Variants in DSCAM observed in about 807,000 individuals in gnomAD.
DSCAM encodes DS cell adhesion molecule, also known as cell adhesion molecule DSCAM.
DSCAM carries 47 observed loss-of-function variants against 217.7 expected under a neutral mutation model. The observed-to-expected ratio is 0.22, with a 90% confidence interval of 0.17 to 0.28. DSCAM has a LOEUF of 0.28. Ranked by LOEUF, DSCAM falls within the 10% of genes least tolerant of loss-of-function variation. The pLI is 1.00. For missense variants in DSCAM, 2,080 were observed against 2,618.3 expected (o/e 0.79, Z 4.49); for synonymous variants, 1,056 against 1,015.3 (o/e 1.04, Z -0.76).
intron 32 of DSCAM, among the ~76,000 whole-genome samples, chr21:40,014,990 A>G (rs1170528032): frequency 1.3e-5 from 2 of 152,076 alleles, no homozygotes; most frequent in African/African-American, 2.4e-5. Context: ...CTCTGCCTAC[A>G]TTTCTGGCCA....
intron 1 of DSCAM, among the ~76,000 whole-genome samples, chr21:40,836,800 A>T (rs1337835113): frequency 6.6e-6 from 1 of 152,208 alleles, no homozygotes; most frequent in Admixed American, 6.5e-5. Context: ...CTGGAAGACG[A>T]CATAACAAAC....
chr21:40,736,755 C>A (rs1261876765), intron 1 of DSCAM, among the ~76,000 whole-genome samples: 3 of 152,152 alleles, frequency 2.0e-5, no homozygotes, highest in Admixed American at 6.6e-5. Context: ...GATTGTCAAG[C>A]CCAAGCTTCT....
intron 1 of DSCAM, among the ~76,000 whole-genome samples, chr21:40,779,490 GC>G (rs2091520455): frequency 6.6e-6 from 1 of 152,172 alleles, no homozygotes; most frequent in Admixed American, 6.5e-5. Flanking sequence ...CTCATTGCAT[GC>G]GTATCAAATT....
chr21:40,335,474 A>G (rs761739088), intron 8 of DSCAM, among the ~76,000 whole-genome samples: 1 of 152,190 alleles, frequency 6.6e-6, no homozygotes, highest in African/African-American at 2.4e-5. Context: ...ATTAAGATGA[A>G]TACATTCATT....
chr21:40,535,772 C>T (rs962228052), intron 3 of DSCAM, among the ~76,000 whole-genome samples: 3 of 152,060 alleles, frequency 2.0e-5, no homozygotes, highest in Non-Finnish European at 2.9e-5. Flanking sequence ...TAGAGAGACG[C>T]GGCACCTCAG....
At chr21:40,785,898 G>C (rs532810200) in intron 1 of DSCAM, among the ~76,000 whole-genome samples, 1 of 152,304 alleles carries the variant, frequency 6.6e-6, no homozygotes, top group East Asian at 1.9e-4. Context: ...TTTCCATTGA[G>C]ATGGTATTTT....
In DSCAM at chr21:40,578,999, AAAC is replaced by A. The variant is rs372495204; in HGVS notation, c.508+113808_508+113810del. ...GTAAATTGAAACCCACATGCAAACA[AAAC>A]AACAATATGCATTGTGCAAAACACA... On this transcript the variant is annotated intron_variant, in intron 3 of 32. Coordinates refer to ENST00000400454, the MANE Select transcript of DSCAM (RefSeq NM_001389.5). 1.6e-4 allele frequency among the ~76,000 whole-genome samples: 25 copies of A among 152,320 alleles called. No homozygotes were observed. In the South Asian group the frequency reaches 3.5e-3, roughly 21 times the overall value.
chr21:40,097,959 AAAGAAAGAAAGAAAG>A lies in DSCAM; in HGVS notation c.3697-4100_3697-4086del, dbSNP rs1568939017. The stretch of plus-strand genomic sequence containing the variant: ...CTGTCTCAAAAAAAAAAAAAAAAAG[AAAGAAAGAAAGAAAG>A]AAAGAAAGAAAGAAAGAAAGAAAGA... On this transcript the variant is annotated intron_variant, in intron 20 of 32. Transcript: ENST00000400454. Among the ~76,000 whole-genome samples the A allele has an allele frequency of 1.3e-3, 34 of 26,542 alleles. 6 individuals are homozygous for A. Among genetic ancestry groups the A allele is most frequent in the East Asian group, 5.3e-3 (2 of 380 alleles). The allele number at this position is 26,542 out of a possible 152,430, so 17.4% of individuals were successfully genotyped here.
intron 20 of DSCAM, among the ~76,000 whole-genome samples, chr21:40,114,286 A>C (rs1030294657): frequency 3.4e-5 from 5 of 148,556 alleles, no homozygotes; most frequent in African/African-American, 7.4e-5. Context: ...GATCTTTGAC[A>C]AACCTGAGAA....
chr21:40,119,392 T>C (rs991978105), intron 20 of DSCAM, among the ~76,000 whole-genome samples: 3 of 152,140 alleles, frequency 2.0e-5, no homozygotes, highest in Non-Finnish European at 4.4e-5. Context: ...AGTATAAATG[T>C]GTTTGTGGGC....
intron 3 of DSCAM, among the ~76,000 whole-genome samples, chr21:40,392,251 G>A (rs1476972621): frequency 6.6e-6 from 1 of 152,108 alleles, no homozygotes; most frequent in Non-Finnish European, 1.5e-5. Context: ...TGATATTTAT[G>A]TACAGGTATT....
chr21:40,445,719 C>G (rs1399343985), intron 3 of DSCAM, among the ~76,000 whole-genome samples: 1 of 152,110 alleles, frequency 6.6e-6, no homozygotes, highest in Admixed American at 6.5e-5. Context: ...TTAACTGAAC[C>G]CTTGCTCTGA....
chr21:40,109,522 C>T (rs1273380409), intron 20 of DSCAM, among the ~76,000 whole-genome samples: 1 of 152,170 alleles, frequency 6.6e-6, no homozygotes, highest in Non-Finnish European at 1.5e-5. Context: ...TCTGCATTTC[C>T]AACTGAGGTA....
At chr21:40,134,830 A>G (rs1298312844) in intron 18 of DSCAM, among the ~76,000 whole-genome samples, 3 of 152,228 alleles carry the variant, frequency 2.0e-5, no homozygotes, top group Non-Finnish European at 4.4e-5. Flanking sequence ...TAAGAAAAAA[A>G]TACACCTGAG....
At chr21:40,320,716 G>A (rs1190908992) in intron 8 of DSCAM, among the ~76,000 whole-genome samples, 4 of 152,138 alleles carry the variant, frequency 2.6e-5, no homozygotes, top group Admixed American at 6.5e-5. Flanking sequence ...ACGCAAAAGC[G>A]GAAATCCCTG....
chr21:40,574,340 ATTCAT>A (rs1318152565), intron 3 of DSCAM, among the ~76,000 whole-genome samples: 3 of 152,202 alleles, frequency 2.0e-5, no homozygotes, highest in Admixed American at 6.5e-5. Context: ...AGTCAAAATA[ATTCAT>A]TTCATTAACA....
intron 11 of DSCAM, among the ~76,000 whole-genome samples, chr21:40,207,552 T>C (rs2091139641): frequency 6.6e-6 from 1 of 152,248 alleles, no homozygotes; most frequent in Admixed American, 6.5e-5. Flanking sequence ...CTCATTGCAA[T>C]CTTATTGATT....
chr21:40,116,892 C>T (rs1282776053), intron 20 of DSCAM, among the ~76,000 whole-genome samples: 1 of 144,650 alleles, frequency 6.9e-6, no homozygotes, highest in African/African-American at 2.6e-5. Flanking sequence ...GTCCCAGCTA[C>T]TTGGGAGGCC....
At chr21:40,607,799 C>A (rs547529583) in intron 3 of DSCAM, among the ~76,000 whole-genome samples, 93 of 152,296 alleles carry the variant, frequency 6.1e-4, no homozygotes, top group African/African-American at 2.2e-3. Flanking sequence ...GTCCATTAAA[C>A]CTCTTTTTCT....
Sources: allele counts gnomAD v4.1 joint callset (sites outside exome capture counted in the v4.1 genomes callset), GRCh38; gene constraint gnomAD v4.1.1; transcripts MANE v1.5; gene names NCBI Gene and HGNC (gene_info 2026-07-23, HGNC 2026-07-21).